AGBL2: variants seen among roughly 807,000 people sequenced by gnomAD.
AGBL2 encodes the protein cytosolic carboxypeptidase 2.
A neutral mutation model predicts 103.0 loss-of-function variants in AGBL2; 87 were observed. The observed-to-expected ratio is 0.84, with a 90% CI of 0.71 to 1.01. The LOEUF is 1.01. AGBL2 is among the 50% of genes least tolerant of loss of function. The probability of loss-of-function intolerance (pLI) is 0.00; values close to 1 mark genes in which losing one functional copy is unlikely to be tolerated. For synonymous variants in AGBL2, 335 were observed against 356.7 expected (o/e 0.94, Z 0.69); for missense variants, 904 against 1,023.5 (o/e 0.88, Z 1.59).
intron 14 of AGBL2, among the ~76,000 whole-genome samples, chr11:47,674,566 CAAAAAA>C (rs56353033): frequency 1.8e-5 from 2 of 110,198 alleles, no homozygotes. Flanking sequence ...GACTCCGTCT[CAAAAAA>C]AAAAAAAAAA....
In AGBL2 at chr11:47,690,623, A is replaced by G. The variant is rs764003922; in HGVS notation, c.1084T>C (p.Tyr362His). The change falls in exon 10 of 19, where the codon TAC becomes CAC. Residue 362 changes from tyrosine (Y) to histidine (H), a missense_variant. Tyr to His is a moderately conservative substitution (Grantham distance 83). Coordinates refer to ENST00000525123, the MANE Select transcript of AGBL2 (RefSeq NM_024783.4). The stretch of plus-strand genomic sequence containing the variant: ...CCATCATCCGTGTTGTTCTTGTAGT[A>G]CTTGATTTCATTTCCTTCTCTCCTC... ...GWRREGNEIK[Y>H]YKNNTDDGQQ... The G allele has an allele frequency of 2.5e-6, 4 of 1,614,110 alleles. No individual in the cohort carries two copies. Among genetic ancestry groups the G allele is most frequent in the Non-Finnish European group, 3.4e-6 (4 of 1,180,028 alleles).
chr11:47,693,836 G>A (rs2097456999), intron 8 of AGBL2, among the ~76,000 whole-genome samples: 1 of 151,982 alleles, frequency 6.6e-6, no homozygotes, highest in Non-Finnish European at 1.5e-5. Context: ...AGGTCACCAG[G>A]TGTCTTCTCC....
At chr11:47,689,944 G>T in intron 10 of AGBL2, 132 bp downstream of exon 10, 1 of 737,528 alleles carries the variant, frequency 1.4e-6, no homozygotes, top group South Asian at 2.4e-5. Flanking sequence ...AAAGAGACTG[G>T]TAAGGGCTCT....
At chr11:47,691,478 C>T (rs1054354985) in intron 9 of AGBL2, among the ~76,000 whole-genome samples, 4 of 150,174 alleles carry the variant, frequency 2.7e-5, no homozygotes, top group African/African-American at 4.9e-5. Context: ...GAGGCCGAGA[C>T]GGGCAGATCG....
At chr11:47,666,230 C>A (rs1302206895) in intron 17 of AGBL2, among the ~76,000 whole-genome samples, 1 of 151,220 alleles carries the variant, frequency 6.6e-6, no homozygotes, top group African/African-American at 2.4e-5. Flanking sequence ...CCTGTCTCTA[C>A]TAAAAATACA....
intron 11 of AGBL2, among the ~76,000 whole-genome samples, chr11:47,682,858 G>T (rs2097406595): frequency 1.3e-5 from 2 of 152,040 alleles, no homozygotes; most frequent in Admixed American, 1.3e-4. Flanking sequence ...GGAGCCTCAG[G>T]GCATTTCTGC....
intron 12 of AGBL2, among the ~76,000 whole-genome samples, chr11:47,681,196 G>T (rs572586483): frequency 6.6e-6 from 1 of 151,600 alleles, no homozygotes; most frequent in South Asian, 2.1e-4. Context: ...GCCAGGCATG[G>T]TGACATGCAC....
intron 8 of AGBL2, among the ~76,000 whole-genome samples, chr11:47,697,535 G>C (rs1418929731): frequency 8.5e-5 from 11 of 129,900 alleles, no homozygotes; most frequent in Non-Finnish European, 1.4e-4. Flanking sequence ...ACCTCGCCAA[G>C]CCTACTTTTT....
At chr11:47,701,222 G>A (rs1427836474) in intron 7 of AGBL2, among the ~76,000 whole-genome samples, 1 of 151,982 alleles carries the variant, frequency 6.6e-6, no homozygotes, top group African/African-American at 2.4e-5. Flanking sequence ...TGTAATCCCA[G>A]CACTTTGGGA....
chr11:47,697,016 C>T (rs1239500060), intron 8 of AGBL2, among the ~76,000 whole-genome samples: 1 of 151,994 alleles, frequency 6.6e-6, no homozygotes, highest in Non-Finnish European at 1.5e-5. Context: ...GCAACCTCTG[C>T]CTCCTGGGTT....
intron 12 of AGBL2, 32 bp from the exon 13 acceptor site, chr11:47,680,105 C>A: frequency 7.7e-7 from 1 of 1,293,544 alleles, no homozygotes; most frequent in East Asian, 2.3e-5. Flanking sequence ...CAAACATTTC[C>A]AATTAAATCT....
At chr11:47,677,225 A>G (rs1376619392) in intron 14 of AGBL2, 46 bp downstream of exon 14, 4 of 1,458,232 alleles carry the variant, frequency 2.7e-6, no homozygotes, top group Middle Eastern at 1.8e-4. Context: ...CCAGGTTAAC[A>G]ACAAAGTATT....
chr11:47,703,961 C>T (rs980516407), intron 7 of AGBL2, among the ~76,000 whole-genome samples: 6 of 146,212 alleles, frequency 4.1e-5, no homozygotes, highest in Admixed American at 1.4e-4. Context: ...ACTAGCCAGG[C>T]GTGGTGGCCA....
chr11:47,710,546 G>A (rs2097533815), intron 3 of AGBL2, 35 bp from the exon 4 acceptor site: 1 of 1,611,460 alleles, frequency 6.2e-7, no homozygotes, highest in Admixed American at 1.7e-5. Flanking sequence ...GTTGCTGGAA[G>A]GCCGACTCAT....
intron 3 of AGBL2, among the ~76,000 whole-genome samples, chr11:47,713,745 C>G (rs886846017): frequency 6.6e-6 from 1 of 151,028 alleles, no homozygotes; most frequent in Non-Finnish European, 1.5e-5. Context: ...CCCACCACCA[C>G]GCCCGGCTAA....
At chr11:47,683,079 GAGAA>G (rs1011663484) in intron 11 of AGBL2, among the ~76,000 whole-genome samples, 21 of 152,036 alleles carry the variant, frequency 1.4e-4, no homozygotes, top group African/African-American at 5.1e-4. Context: ...AGAAGAGAAA[GAGAA>G]AGAGAGGCCG....
chr11:47,678,582 C>A (rs2097387718), intron 13 of AGBL2, among the ~76,000 whole-genome samples: 2 of 151,296 alleles, frequency 1.3e-5, no homozygotes, highest in Admixed American at 1.3e-4. Context: ...GATTTGCCAG[C>A]CTTAGCCTCC....
At chr11:47,681,006 T>G (rs1235465251) in intron 12 of AGBL2, among the ~76,000 whole-genome samples, 2 of 152,100 alleles carry the variant, frequency 1.3e-5, no homozygotes, top group African/African-American at 4.8e-5. Flanking sequence ...AAGCAGTACC[T>G]ACAATGCAAG....
At chr11:47,711,590 G>A (rs1263881416) in intron 3 of AGBL2, among the ~76,000 whole-genome samples, 1 of 152,208 alleles carries the variant, frequency 6.6e-6, no homozygotes, top group Non-Finnish European at 1.5e-5. Flanking sequence ...CTGGAGTGCA[G>A]TAGCGCAATC....
Sources: gnomAD v4.1 joint callset for allele counts (sites outside exome capture counted in the v4.1 genomes callset) on GRCh38, gnomAD v4.1.1 for gene constraint, MANE v1.5 for transcripts, NCBI Gene and HGNC (gene_info 2026-07-23, HGNC 2026-07-21) for gene names.